Variants in MOB3A observed in about 807,000 individuals in gnomAD.
The protein encoded by MOB3A is MOB kinase activator 3A, also known as MOB LAK.
MOB3A carries 17 observed loss-of-function variants against 17.8 expected under a neutral mutation model. That is an observed-to-expected ratio of 0.95 (90% confidence interval 0.65 to 1.43). MOB3A has a LOEUF of 1.43. Among genes scored for constraint, MOB3A ranks in the 40% most tolerant of loss-of-function variants. The pLI is 0.00. For missense variants in MOB3A, 333 were observed against 310.8 expected (o/e 1.07, Z -0.54); for synonymous variants, 124 against 133.2 (o/e 0.93, Z 0.48).
upstream of MOB3A, chr19:2,096,400 G>A (rs2144948995): frequency 6.5e-6 from 1 of 154,762 alleles, no homozygotes; most frequent in Middle Eastern, 3.3e-3. Context: ...AGGGCCCGGG[G>A]CTCCGCGCAG....
intron 1 of MOB3A, among the ~76,000 whole-genome samples, chr19:2,086,651 C>T (rs566416574): frequency 5.8e-4 from 89 of 152,264 alleles, no homozygotes; most frequent in African/African-American, 2.1e-3. Flanking sequence ...AGCCAGCATG[C>T]CTGGCCTGAG....
chr19:2,082,021 C>T lies in MOB3A; in HGVS notation c.-120+3154G>A, dbSNP rs1310473035. Reference sequence around the variant, plus strand: ...ACCGGCTGGGGGACACTGCTCAGGGCAGCCTGGGCACAGGTGGCAGGAGGA... The same window carrying T: ...ACCGGCTGGGGGACACTGCTCAGGGTAGCCTGGGCACAGGTGGCAGGAGGA... On this transcript the variant is annotated intron_variant, in intron 2 of 4. Coordinates refer to ENST00000357066, the MANE Select transcript of MOB3A (RefSeq NM_130807.3). This position sits in a 1 kb window ranked among gnomAD's most constrained non-coding sequence, Gnocchi z 4.1. 6.6e-6 allele frequency among the ~76,000 whole-genome samples: 1 copy of T among 152,190 alleles called. No individual in the cohort carries two copies. The highest frequency in any genetic ancestry group is 1.5e-5 in the Non-Finnish European group (1 of 68,030).
In MOB3A at chr19:2,078,219, G is replaced by A. The variant is rs369689300; in HGVS notation, c.342C>T (p.Ser114=). The change falls in exon 3 of 5, where the codon TCC becomes TCT. Residue 114 remains serine, a synonymous_variant. Transcript: ENST00000357066. ...EHKFRKPTAL[S]APRYMDLLMD... is the part of the protein sequence containing the mutation. ...TCAGCAGGTCCATGTACCTGGGCGC[G>A]GAGAGTGCCGTGGGCTTCCGGAACT... 1.3e-5 allele frequency: 21 copies of A among 1,613,352 alleles called. No homozygotes were observed. In the Middle Eastern group the frequency reaches 4.9e-4, roughly 38 times the overall value.
At chr19:2,091,588 T>C (rs1329328936) in intron 1 of MOB3A, among the ~76,000 whole-genome samples, 1 of 151,790 alleles carries the variant, frequency 6.6e-6, no homozygotes, top group Non-Finnish European at 1.5e-5. Context: ...TCCACCATGT[T>C]GGCCAGGCTG....
At chr19:2,074,262 AC>A (rs1359477882) in intron 4 of MOB3A, among the ~76,000 whole-genome samples, 5 of 152,070 alleles carry the variant, frequency 3.3e-5, no homozygotes, top group Non-Finnish European at 7.4e-5. Flanking sequence ...AAACAAACAA[AC>A]AAAAAAACCC....
At chr19:2,086,435 A>C (rs1401003339) in intron 1 of MOB3A, among the ~76,000 whole-genome samples, 1 of 151,638 alleles carries the variant, frequency 6.6e-6, no homozygotes, top group Non-Finnish European at 1.5e-5. Context: ...ATCTCGGCTC[A>C]CTGCAACCTC....
chr19:2,091,501 A>G (rs923573400), intron 1 of MOB3A, among the ~76,000 whole-genome samples: 14 of 151,276 alleles, frequency 9.3e-5, no homozygotes, highest in Admixed American at 2.6e-4. Flanking sequence ...CTCCTGCCTC[A>G]GCCTCCCAAG....
intron 2 of MOB3A, among the ~76,000 whole-genome samples, chr19:2,081,651 T>C (rs1052566847): frequency 3.3e-5 from 5 of 151,900 alleles, no homozygotes; most frequent in African/African-American, 1.2e-4. Context: ...TTTGAGAGGC[T>C]GAGGCGGGCG....
At chr19:2,074,315 C>T (rs1264009124) in intron 4 of MOB3A, among the ~76,000 whole-genome samples, 3 of 151,908 alleles carry the variant, frequency 2.0e-5, no homozygotes, top group African/African-American at 7.3e-5. Context: ...GGCCAGAGGG[C>T]TGCAGTTTGC....
At chr19:2,074,262 A>G (rs2017375838) in intron 4 of MOB3A, among the ~76,000 whole-genome samples, 1 of 152,070 alleles carries the variant, frequency 6.6e-6, no homozygotes, top group African/African-American at 2.4e-5. Context: ...AAACAAACAA[A>G]CAAAAAAACC....
rs576809612 is a variant in MOB3A, at chr19:2,076,946, G to C, written c.489C>G (p.Phe163Leu). The change falls in exon 4 of 5, where the codon TTC becomes TTG. Residue 163 changes from phenylalanine (F) to leucine (L), a missense_variant. Physicochemically the swap from Phe to Leu is conservative, Grantham distance 22. Coordinates refer to ENST00000357066, the MANE Select transcript of MOB3A (RefSeq NM_130807.3). ...CAAAGTGGTGGATGTAGACGTGCAC[G>C]AACACGCGGAACAGCCGCGACAGGA... ...RKILSRLFRV[F>L]VHVYIHHFDR... 6.2e-7 allele frequency: 1 copy of C among 1,613,914 alleles called. No individual in the cohort carries two copies. The highest frequency in any genetic ancestry group is 8.5e-7 in the Non-Finnish European group (1 of 1,180,034).
chr19:2,074,186 C>T (rs1242733362), intron 4 of MOB3A, among the ~76,000 whole-genome samples: 1 of 152,114 alleles, frequency 6.6e-6, no homozygotes, highest in Non-Finnish European at 1.5e-5. Flanking sequence ...CCCAGCTACT[C>T]AGGAGGCTGA....
Position 2,093,548 on chromosome 19 carries a change from T to G in MOB3A, c.-274+2678A>C, listed in dbSNP as rs1484257924. 1.3e-5 allele frequency among the ~76,000 whole-genome samples: 2 copies of G among 152,138 alleles called. No individual in the cohort carries two copies. The highest frequency in any genetic ancestry group is 4.8e-5 in the African/African-American group (2 of 41,428). ...ATTTAGTAGAGATGGGGTTTTGCCATGTTGGCCAGGCTGGTCTTGAATGCC... is the reference window on the plus strand; with the variant it reads ...ATTTAGTAGAGATGGGGTTTTGCCAGGTTGGCCAGGCTGGTCTTGAATGCC... On this transcript the variant is annotated intron_variant, in intron 1 of 4. Coordinates refer to ENST00000357066, the MANE Select transcript of MOB3A (RefSeq NM_130807.3). This position sits in a 1 kb window ranked among gnomAD's most constrained non-coding sequence, Gnocchi z 4.6.
chr19:2,076,670 T>A, intron 4 of MOB3A, 141 bp downstream of exon 4: 1 of 763,346 alleles, frequency 1.3e-6, no homozygotes, highest in South Asian at 1.7e-5. Context: ...ATCAGCAGGG[T>A]CCCCGGGGCC....
In MOB3A at chr19:2,072,478, T is replaced by C. The variant is rs1049127096; in HGVS notation, c.*917A>G. 6.6e-6 allele frequency: 1 copy of C among 152,014 alleles called. No individual in the cohort carries two copies. Among genetic ancestry groups the C allele is most frequent in the African/African-American group, 2.4e-5 (1 of 41,386 alleles). The allele number at this position is 152,014 out of a possible 1,614,324, so 9.4% of individuals were successfully genotyped here. ...ATCTCAAGATGGTTGTAAATGTGAC[T>C]ATAAAAATCAAACCCTTTATGATAC... On this transcript the variant is annotated 3_prime_UTR_variant, in exon 5 of 5. Transcript: ENST00000357066.
chr19:2,081,614 G>A (rs1185200836), intron 2 of MOB3A, among the ~76,000 whole-genome samples: 6 of 151,820 alleles, frequency 4.0e-5, no homozygotes, highest in East Asian at 3.9e-4. Flanking sequence ...GGCCTGGCGC[G>A]GTGGCCCACG....
At position 2,093,251 on chromosome 19, in the gene MOB3A, G is replaced by A. The variant is rs1410455707; in HGVS notation, c.-274+2975C>T. 5.9e-5 allele frequency among the ~76,000 whole-genome samples: 9 copies of A among 151,884 alleles called. No homozygotes were observed. The highest frequency in any genetic ancestry group is 1.9e-4 in the African/African-American group (8 of 41,302). ...TGGCTCACTGCAAGCTCCGCCTCCC[G>A]GGTTCAAGTGATTCTCCTGCCTCAG... is the stretch of plus-strand genomic sequence containing the variant. On this transcript the variant is annotated intron_variant, in intron 1 of 4. Transcript: ENST00000357066. This position sits in a 1 kb window ranked among gnomAD's most constrained non-coding sequence, Gnocchi z 4.6.
intron 1 of MOB3A, among the ~76,000 whole-genome samples, chr19:2,090,971 G>A (rs2017608328): frequency 6.6e-6 from 1 of 152,066 alleles, no homozygotes; most frequent in Non-Finnish European, 1.5e-5. Context: ...CAAAATACGT[G>A]CATTATTTTA....
chr19:2,082,654 T>C lies in MOB3A; in HGVS notation c.-120+2521A>G, dbSNP rs2017503577. 6.6e-6 allele frequency among the ~76,000 whole-genome samples: 1 copy of C among 152,144 alleles called. No homozygotes were observed. Among genetic ancestry groups the C allele is most frequent in the South Asian group, 2.1e-4 (1 of 4,826 alleles). ...GCAGGCAGCCGTCTGATCACAAGCC[T>C]AGTGACACACGCTTCCCGGGCCAGC... On this transcript the variant is annotated intron_variant, in intron 2 of 4. Coordinates refer to ENST00000357066, the MANE Select transcript of MOB3A (RefSeq NM_130807.3). The surrounding 1 kb of genome is among the most constrained non-coding windows in gnomAD (Gnocchi z 4.1).
Sources: allele counts gnomAD v4.1 joint callset (sites outside exome capture counted in the v4.1 genomes callset), GRCh38; gene constraint gnomAD v4.1.1; non-coding constraint Gnocchi (gnomAD v3.1); transcripts MANE v1.5; gene names NCBI Gene and HGNC (gene_info 2026-07-23, HGNC 2026-07-21).